RABL2A: variants seen among roughly 807,000 people sequenced by gnomAD.
The protein encoded by RABL2A is RAB, member of RAS oncogene family like 2A, also known as rab-like protein 2A.
A neutral mutation model predicts 30.7 loss-of-function variants in RABL2A; 17 were observed. The observed-to-expected ratio is 0.55, with a 90% CI of 0.38 to 0.83. The LOEUF (loss-of-function observed/expected upper bound fraction) is 0.83, where lower values mean the gene tolerates loss of function less well. Among genes scored for constraint, RABL2A ranks in the 40% least tolerant of loss-of-function variants. The pLI is 0.00. For missense variants in RABL2A, 155 were observed against 272.6 expected, an observed-to-expected ratio of 0.57 and a Z score of 3.04; for synonymous variants, 64 against 101.8, an observed-to-expected ratio of 0.63 and a Z score of 2.24.
Position 113,634,144 on chromosome 2 carries a change from T to C in RABL2A, c.138-9T>C, listed in dbSNP as rs793079. 260,838 of 1,604,672 alleles carry C rather than the reference T, an allele frequency of 0.16. 27,003 individuals carry two copies. Among genetic ancestry groups the C allele is most frequent in the East Asian group, 0.46 (20,323 of 44,308 alleles). On this transcript the variant is annotated splice_polypyrimidine_tract_variant and intron_variant, in intron 3 of 8. Coordinates refer to ENST00000683472, the MANE Select transcript of RABL2A (RefSeq NM_001306158.2). ...CTTTTATTGATTTTGCTCCTTAACC[T>C]GAGTGCAGTCAGCCACAGCAGCTGT... is the stretch of plus-strand genomic sequence containing the variant.
intron 2 of RABL2A, among the ~76,000 whole-genome samples, chr2:113,632,623 A>G (rs1236310491): frequency 6.6e-6 from 1 of 152,256 alleles, no homozygotes; most frequent in Non-Finnish European, 1.5e-5. Context: ...TTCCCTTTGC[A>G]TAACACAAGG....
intron 5 of RABL2A, chr2:113,638,342 C>T: frequency 1.0e-6 from 1 of 985,442 alleles, no homozygotes. Context: ...GTTGCTTGCA[C>T]AAATAGCTGG....
Position 113,641,875 on chromosome 2 carries a change from T to TC in RABL2A, c.591+13dup. 6.5e-6 allele frequency: 8 copies of TC among 1,229,298 alleles called. No individual in the cohort carries two copies. Among genetic ancestry groups the TC allele is most frequent in the Non-Finnish European group, 9.1e-6 (8 of 883,574 alleles). The allele number at this position is 1,229,298 out of a possible 1,614,324, so 76.1% of individuals were successfully genotyped here. On this transcript the variant is annotated intron_variant, in intron 8 of 8. Coordinates refer to ENST00000683472, the MANE Select transcript of RABL2A (RefSeq NM_001306158.2). The stretch of plus-strand genomic sequence containing the variant: ...TTTCAGGAGCTCGAGGTAGGTCAGG[T>TC]CCACATTTCGGGTGGGATGGAAGAA...
At chr2:113,639,854 T>TAA (rs1274429437) in intron 5 of RABL2A, among the ~76,000 whole-genome samples, 27 of 110,098 alleles carry the variant, frequency 2.5e-4, no homozygotes, top group Non-Finnish European at 3.2e-4. Flanking sequence ...AGACTCCGTC[T>TAA]AAAAAAAAAA....
At chr2:113,632,442 T>C (rs1680736209) in intron 2 of RABL2A, among the ~76,000 whole-genome samples, 1 of 152,200 alleles carries the variant, frequency 6.6e-6, no homozygotes, top group South Asian at 2.1e-4. Context: ...ATTACAGGCG[T>C]GTGTCGCCAC....
chr2:113,632,997 A>G (rs1301952618), intron 3 of RABL2A, 53 bp downstream of exon 3: 12 of 1,613,780 alleles, frequency 7.4e-6, no homozygotes, highest in African/African-American at 1.3e-5. Context: ...TCCCACGCTC[A>G]TGTATCAGTG....
At chr2:113,639,856 A>T (rs924171958) in intron 5 of RABL2A, among the ~76,000 whole-genome samples, 29 of 42,630 alleles carry the variant, frequency 6.8e-4, no homozygotes, top group African/African-American at 4.6e-3. Context: ...ACTCCGTCTA[A>T]AAAAAAAAAA....
chr2:113,642,996 C>T lies in RABL2A; in HGVS notation c.*867C>T. The T allele has an allele frequency of 2.8e-6, 1 of 356,826 alleles. No homozygotes were observed. Among genetic ancestry groups the T allele is most frequent in the Non-Finnish European group, 5.4e-6 (1 of 185,242 alleles). 22.1% of individuals were successfully genotyped at this position (356,826 alleles called of 1,614,324 possible). On this transcript the variant is annotated 3_prime_UTR_variant, in exon 9 of 9. Coordinates refer to ENST00000683472, the MANE Select transcript of RABL2A (RefSeq NM_001306158.2). ...CATTCCAGATTTCCGTGTACCCACT[C>T]TGTTTCAGGAGCTCTTCTAGGTAAA...
At position 113,642,548 on chromosome 2, in the gene RABL2A, C is replaced by A. The variant is rs1685562344; in HGVS notation, c.*419C>A. 2 of 255,670 alleles carry A rather than the reference C, an allele frequency of 7.8e-6. No homozygotes were observed. Among genetic ancestry groups the A allele is most frequent in the East Asian group, 1.1e-4 (1 of 8,906 alleles). The allele number at this position is 255,670 out of a possible 1,614,324, so 15.8% of individuals were successfully genotyped here. A position where few individuals can be genotyped will look rare whatever the true frequency, so the allele number is the denominator to read the frequency against. ...GGCTTCTCCTGAGGTAATGATTACC[C>A]CCCCACCCACAGCTGAGTCTGTGAG... is the stretch of plus-strand genomic sequence containing the variant. On this transcript the variant is annotated 3_prime_UTR_variant, in exon 9 of 9. Transcript: ENST00000683472.
At chr2:113,631,336 G>A (rs1284976251) in intron 2 of RABL2A, among the ~76,000 whole-genome samples, 5 of 152,118 alleles carry the variant, frequency 3.3e-5, no homozygotes, top group African/African-American at 9.7e-5. Flanking sequence ...TGCAAAGAGG[G>A]CAAAGGCACA....
intron 2 of RABL2A, among the ~76,000 whole-genome samples, chr2:113,632,211 C>A (rs558103854): frequency 6.6e-6 from 1 of 152,244 alleles, no homozygotes; most frequent in South Asian, 2.1e-4. Context: ...ATTTCAACAA[C>A]AAAAGGAGGA....
intron 6 of RABL2A, 48 bp from the exon 7 acceptor site, chr2:113,641,305 C>T (rs773442268): frequency 1.2e-6 from 2 of 1,613,268 alleles, no homozygotes; most frequent in Admixed American, 1.7e-5. Context: ...CCCCTCCAAA[C>T]CTTCTTCCCT....
In RABL2A at chr2:113,634,143, C is replaced by T. The variant is rs1681544373; in HGVS notation, c.138-10C>T. The T allele has an allele frequency of 2.5e-6, 4 of 1,606,158 alleles. No individual in the cohort carries two copies. Among genetic ancestry groups the T allele is most frequent in the Non-Finnish European group, 3.4e-6 (4 of 1,176,232 alleles). ...CCTTTTATTGATTTTGCTCCTTAAC[C>T]TGAGTGCAGTCAGCCACAGCAGCTG... On this transcript the variant is annotated splice_polypyrimidine_tract_variant and intron_variant, in intron 3 of 8. Transcript: ENST00000683472.
chr2:113,633,103 G>A (rs750333549), intron 3 of RABL2A, 159 bp downstream of exon 3: 14 of 1,100,442 alleles, frequency 1.3e-5, no homozygotes, highest in Admixed American at 1.9e-5. Flanking sequence ...GTTTCTTGCC[G>A]ATTGACCCAC....
rs1393707361 is a variant in RABL2A, at chr2:113,635,079, G to T, written c.246G>T (p.Arg82=). 1.2e-6 allele frequency: 2 copies of T among 1,614,206 alleles called. No homozygotes were observed. The highest frequency in any genetic ancestry group is 1.3e-5 in the African/African-American group (1 of 75,040). ...VDFWDTAGQE[R]FQSMHASYYH... ...TTTGGGACACGGCAGGCCAGGAGCG[G>T]TTCCAGAGCATGCATGCCTCCTACT... The change falls in exon 5 of 9, where the codon CGG becomes CGT. Residue 82 remains arginine (R), a synonymous_variant. Transcript: ENST00000683472.
chr2:113,634,460 G>A (rs1387619844), intron 4 of RABL2A: 5 of 572,600 alleles, frequency 8.7e-6, no homozygotes, highest in Non-Finnish European at 1.6e-5. Context: ...GCCAGCACCT[G>A]TGCAGGACAG....
chr2:113,634,734 A>G (rs1681842277), intron 4 of RABL2A: 2 of 454,374 alleles, frequency 4.4e-6, no homozygotes, highest in African/African-American at 4.0e-5. Flanking sequence ...ATAGTTTGGA[A>G]CTTAGAGGAC....
chr2:113,634,948 A>C, intron 4 of RABL2A, 103 bp from the exon 5 acceptor site: 13 of 1,179,296 alleles, frequency 1.1e-5, no homozygotes, highest in Non-Finnish European at 1.6e-5. Context: ...CTCCCCATGT[A>C]CACTCACACA....
chr2:113,638,635 A>C, intron 5 of RABL2A: 1 of 808,134 alleles, frequency 1.2e-6, no homozygotes, highest in Non-Finnish European at 1.5e-6. Context: ...TGGGAGGCCT[A>C]GGTGGGCAGA....
Sources: gnomAD v4.1 joint callset for allele counts (sites outside exome capture counted in the v4.1 genomes callset) on GRCh38, gnomAD v4.1.1 for gene constraint, MANE v1.5 for transcripts, NCBI Gene and HGNC (gene_info 2026-07-23, HGNC 2026-07-21) for gene names.